Variants in MYO5C observed in about 807,000 individuals in gnomAD.
MYO5C encodes the protein myosin VC.
In MYO5C, 194 loss-of-function variants were observed where a neutral mutation model predicts 235.7. That is an observed-to-expected ratio of 0.82 (90% CI 0.73 to 0.93). MYO5C has a LOEUF of 0.93. MYO5C is among the 40% of genes least tolerant of loss of function. The pLI, the probability that MYO5C is intolerant of heterozygous loss-of-function variation, is 0.00. For synonymous variants in MYO5C, 707 were observed against 754.8 expected (o/e 0.94, Z 1.04); for missense variants, 2,038 against 2,127.2 (o/e 0.96, Z 0.82).
intron 6 of MYO5C, among the ~76,000 whole-genome samples, chr15:52,272,200 A>G (rs892212436): frequency 6.6e-6 from 1 of 152,242 alleles, no homozygotes; most frequent in Non-Finnish European, 1.5e-5. Flanking sequence ...CTGGCAGAAA[A>G]GCCTTTCTTT....
intron 5 of MYO5C, among the ~76,000 whole-genome samples, chr15:52,273,528 G>C (rs71472935): frequency 0.087 from 13,251 of 152,166 alleles, 704 homozygotes; most frequent in East Asian, 0.23. Flanking sequence ...GCCCCTGGGA[G>C]TGGGATTTTA....
chr15:52,225,365 G>T, intron 26 of MYO5C, 74 bp downstream of exon 26: 1 of 1,288,322 alleles, frequency 7.8e-7, no homozygotes. Flanking sequence ...CAAAGGACAC[G>T]TTTCCTTAGC....
chr15:52,217,920 C>T (rs1448689527), intron 32 of MYO5C, among the ~76,000 whole-genome samples: 1 of 152,178 alleles, frequency 6.6e-6, no homozygotes, highest in Non-Finnish European at 1.5e-5. Flanking sequence ...TGGCCTGTCA[C>T]TTCAGCACTT....
At chr15:52,236,394 C>A (rs1331943921) in intron 22 of MYO5C, among the ~76,000 whole-genome samples, 1 of 152,194 alleles carries the variant, frequency 6.6e-6, no homozygotes, top group African/African-American at 2.4e-5. Flanking sequence ...GCAGCAGAGG[C>A]TGGGCACGGT....
rs143093095 is a variant in MYO5C at position 52,251,617 on chromosome 15, G to A, written c.1537-102C>T. On this transcript the variant is annotated intron_variant, in intron 12 of 40. Coordinates refer to ENST00000261839, the MANE Select transcript of MYO5C (RefSeq NM_018728.4). ...AGAAACCAAGGTGATTTGGCACTTA[G>A]TGAACTGCTCTCAATTAGAGGCTTT... The A allele has an allele frequency of 6.3e-5, 42 of 663,518 alleles. No homozygotes were observed. The African/African-American group carries it at 7.2e-4, about 11-fold the overall frequency. The allele number at this position is 663,518 out of a possible 1,614,324, so 41.1% of individuals were successfully genotyped here. A position where few individuals can be genotyped will look rare whatever the true frequency, so the allele number is the denominator to read the frequency against.
At position 52,225,528 on chromosome 15, in the gene MYO5C, A is replaced by G. The variant is rs1337528280; in HGVS notation, c.3212T>C (p.Ile1071Thr). ...VARLSKQVKT[I>T]SEFEKEIELL... ...TTCTATCTCTTTTTCGAACTCAGAG[A>G]TTGTCTGAATCACAGCAATGACGGA... The change falls in exon 26 of 41, where the codon ATC becomes ACC. Residue 1071 changes from isoleucine (I) to threonine (T), a missense_variant. Transcript: ENST00000261839. 1 of 1,609,586 alleles carries G rather than the reference A, an allele frequency of 6.2e-7. No homozygotes were observed. Among genetic ancestry groups the G allele is most frequent in the East Asian group, 2.2e-5 (1 of 44,832 alleles).
chr15:52,275,602 T>G lies in MYO5C; in HGVS notation c.566A>C (p.His189Pro), dbSNP rs766726230. 2.5e-5 allele frequency: 41 copies of G among 1,614,124 alleles called. No homozygotes were observed. Among genetic ancestry groups the G allele is most frequent in the Non-Finnish European group, 3.3e-5 (39 of 1,180,058 alleles). The change falls in exon 5 of 41, where the codon CAC becomes CCC. Residue 189 changes from histidine (H) to proline (P), a missense_variant. Transcript: ENST00000261839. Reference sequence around the variant, plus strand: ...GGATGCCAGGACCTTGTCTTCCACGTGAGCGTTGCTGCCCGATTTGCTGAC... The same window carrying G: ...GGATGCCAGGACCTTGTCTTCCACGGGAGCGTTGCTGCCCGATTTGCTGAC... ...ATVSKSGSNA[H>P]VEDKVLASNP...
At chr15:52,235,982 T>G (rs978621608) in intron 22 of MYO5C, among the ~76,000 whole-genome samples, 17 of 152,228 alleles carry the variant, frequency 1.1e-4, no homozygotes, top group African/African-American at 4.1e-4. Flanking sequence ...ATTCCCGACC[T>G]GGCCAGCAAT....
chr15:52,201,245 G>A (rs1273709127), intron 38 of MYO5C, among the ~76,000 whole-genome samples: 1 of 151,746 alleles, frequency 6.6e-6, no homozygotes, highest in Non-Finnish European at 1.5e-5. Context: ...ACAAACTATG[G>A]AAAACTAAAG....
intron 21 of MYO5C, among the ~76,000 whole-genome samples, chr15:52,238,992 C>T (rs1436879943): frequency 6.6e-6 from 1 of 151,662 alleles, no homozygotes; most frequent in South Asian, 2.1e-4. Flanking sequence ...GCTCTTGTTG[C>T]CCAGGCTGGA....
intron 14 of MYO5C, 94 bp downstream of exon 14, chr15:52,248,605 CA>C: frequency 7.1e-6 from 6 of 849,368 alleles, no homozygotes; most frequent in Non-Finnish European, 1.1e-5. Context: ...CACACACACA[CA>C]CTCTCTCTCT....
intron 13 of MYO5C, among the ~76,000 whole-genome samples, chr15:52,249,272 G>T (rs946215327): frequency 1.3e-5 from 2 of 152,000 alleles, no homozygotes; most frequent in Non-Finnish European, 2.9e-5. Context: ...GTTTAGAGTG[G>T]GTCAACCTTT....
intron 18 of MYO5C, among the ~76,000 whole-genome samples, chr15:52,245,141 C>G (rs905955134): frequency 3.9e-5 from 6 of 152,200 alleles, no homozygotes; most frequent in Non-Finnish European, 8.8e-5. Context: ...ACTGGGGAGG[C>G]CGGAGTTCGG....
In MYO5C at chr15:52,277,899, C is replaced by T. The variant is rs374610860; in HGVS notation, c.449+974G>A. ...TAAGCATCAGAACCAGGAATGGGTG[C>T]CCTCTGAGAGTCCAGCTCACAGACG... On this transcript the variant is annotated intron_variant, in intron 4 of 40. Transcript: ENST00000261839. 21 of 455,874 alleles carry T rather than the reference C, an allele frequency of 4.6e-5. 1 individual carries two copies. The Middle Eastern group carries it at 3.9e-3, about 85-fold the overall frequency. 28.2% of individuals were successfully genotyped at this position (455,874 alleles called of 1,614,324 possible). A position where few individuals can be genotyped will look rare whatever the true frequency, so the allele number is the denominator to read the frequency against.
At chr15:52,274,256 G>A (rs1178079008) in intron 5 of MYO5C, among the ~76,000 whole-genome samples, 1 of 152,114 alleles carries the variant, frequency 6.6e-6, no homozygotes, top group Non-Finnish European at 1.5e-5. Context: ...ATTATCCACT[G>A]GGCATTTAAC....
rs1435544563 is a variant in MYO5C, at chr15:52,232,730, G to C, written c.2963-45C>G. 3 of 1,503,082 alleles carry C rather than the reference G, an allele frequency of 2.0e-6. No homozygotes were observed. The African/African-American group carries it at 4.1e-5, about 21-fold the overall frequency. The allele number at this position is 1,503,082 out of a possible 1,614,324, so 93.1% of individuals were successfully genotyped here. A position where few individuals can be genotyped will look rare whatever the true frequency, so the allele number is the denominator to read the frequency against. ...TTTGAGATATGTCTGCCAAATCAAT[G>C]CCTTGATTGTTTCATGTTATGTTTA... On this transcript the variant is annotated intron_variant, in intron 23 of 40. Transcript: ENST00000261839.
chr15:52,194,364 G>A (rs1010294426), intron 40 of MYO5C, among the ~76,000 whole-genome samples: 1 of 152,208 alleles, frequency 6.6e-6, no homozygotes, highest in Non-Finnish European at 1.5e-5. Context: ...GGTCAAACAT[G>A]AGTAGATTTC....
chr15:52,254,109 CAGG>C (rs779576575), intron 11 of MYO5C, among the ~76,000 whole-genome samples: 64 of 152,286 alleles, frequency 4.2e-4, no homozygotes, highest in African/African-American at 1.5e-3. Context: ...TTAGAAATTA[CAGG>C]AGGACAGCAG....
At position 52,206,041 on chromosome 15, in the gene MYO5C, C is replaced by A. The variant is rs540099934; in HGVS notation, c.4387-75G>T. 5.0e-5 allele frequency: 46 copies of A among 916,188 alleles called. 1 individual carries two copies. The highest frequency in any genetic ancestry group is 5.0e-4 in the South Asian group (21 of 42,364). The allele number at this position is 916,188 out of a possible 1,614,324, so 56.8% of individuals were successfully genotyped here. ...AAATTAATAATCAGCTACTATAACT[C>A]TTTTACCTTAAAACTTAATGTCTGA... On this transcript the variant is annotated intron_variant, in intron 36 of 40. Coordinates refer to ENST00000261839, the MANE Select transcript of MYO5C (RefSeq NM_018728.4).
Sources: gnomAD v4.1 joint callset for allele counts (sites outside exome capture counted in the v4.1 genomes callset) on GRCh38, gnomAD v4.1.1 for gene constraint, MANE v1.5 for transcripts, NCBI Gene and HGNC (gene_info 2026-07-23, HGNC 2026-07-21) for gene names.